TRIM33: variants seen among roughly 807,000 people sequenced by gnomAD.
TRIM33 encodes E3 ubiquitin-protein ligase TRIM33.
Under a neutral mutation model 125.4 loss-of-function variants are expected in TRIM33, and 20 were observed. That is an observed-to-expected ratio of 0.16 (90% CI 0.11 to 0.23). The LOEUF (loss-of-function observed/expected upper bound fraction) is 0.23. TRIM33 is among the 10% of genes least tolerant of loss of function. TRIM33 has a pLI of 1.00. For synonymous variants in TRIM33, 564 were observed against 513.9 expected (o/e 1.10, Z -1.32); for missense variants, 920 against 1,411.4 (o/e 0.65, Z 5.58).
At position 114,510,983 on chromosome 1, in the gene TRIM33, G is replaced by T; in HGVS notation, c.94C>A (p.Gln32Lys). Residue 32 changes from glutamine (Q) to lysine (K), a missense_variant, in exon 1 of 20, where the codon CAG becomes AAG. Around this residue, in one of 8 missense-constraint regions of TRIM33, gnomAD observed 233 missense variants for 189.6 expected, o/e 1.23. Transcript: ENST00000358465. ...GCGGTGAGAGGCGGCTCCGCCTCCTGCGCGGCGGGCCCGGCGGCCCCGGCA... is the reference window on the plus strand; with the variant it reads ...GCGGTGAGAGGCGGCTCCGCCTCCTTCGCGGCGGGCCCGGCGGCCCCGGCA... Reference protein sequence around the residue: ...VTAGAAGPAAQEAEPPLTAVL... With the variant: ...VTAGAAGPAAKEAEPPLTAVL... 7.4e-7 allele frequency: 1 copy of T among 1,348,484 alleles called. No individual in the cohort carries two copies. Among genetic ancestry groups the T allele is most frequent in the Non-Finnish European group, 9.5e-7 (1 of 1,051,342 alleles). The allele number at this position is 1,348,484 out of a possible 1,614,324, so 83.5% of individuals were successfully genotyped here.
At chr1:114,450,075 T>C (rs1406988964) in intron 4 of TRIM33, among the ~76,000 whole-genome samples, 2 of 152,196 alleles carry the variant, frequency 1.3e-5, no homozygotes, top group Non-Finnish European at 2.9e-5. Context: ...TATTCTCACA[T>C]TGATTTATAC....
intron 4 of TRIM33, among the ~76,000 whole-genome samples, chr1:114,457,519 T>C (rs1649697805): frequency 6.6e-6 from 1 of 152,170 alleles, no homozygotes; most frequent in Non-Finnish European, 1.5e-5. Flanking sequence ...GAAACACTAA[T>C]AAGGAAGGCA....
chr1:114,413,651 A>AAAG (rs1171244795), intron 11 of TRIM33, among the ~76,000 whole-genome samples: 3 of 149,112 alleles, frequency 2.0e-5, no homozygotes, highest in African/African-American at 7.5e-5. Flanking sequence ...AAAAAAAAAA[A>AAAG]AGGTAAAACT....
At chr1:114,449,661 G>A (rs1189349199) in intron 4 of TRIM33, among the ~76,000 whole-genome samples, 1 of 150,664 alleles carries the variant, frequency 6.6e-6, no homozygotes, top group African/African-American at 2.4e-5. Flanking sequence ...AAGAGAGTGT[G>A]GTCTTAAAAG....
intron 15 of TRIM33, chr1:114,405,166 T>C: frequency 2.6e-6 from 1 of 382,608 alleles, no homozygotes; most frequent in Non-Finnish European, 4.6e-6. Flanking sequence ...TTATCTATTT[T>C]CCTTATACTG....
chr1:114,441,876 G>C (rs1046162280), intron 4 of TRIM33, among the ~76,000 whole-genome samples: 2 of 152,026 alleles, frequency 1.3e-5, no homozygotes, highest in Non-Finnish European at 2.9e-5. Flanking sequence ...GATTCTGCTG[G>C]GTAACTGACT....
At chr1:114,398,916 CA>C (rs371623761) in intron 18 of TRIM33, among the ~76,000 whole-genome samples, 3,518 of 107,674 alleles carry the variant, frequency 0.033, 84 homozygotes, top group Non-Finnish European at 0.043. Flanking sequence ...AAAAAAAAAA[CA>C]AAACAAAACA....
intron 15 of TRIM33, among the ~76,000 whole-genome samples, chr1:114,404,092 T>G (rs1037717144): frequency 2.6e-5 from 4 of 152,212 alleles, no homozygotes; most frequent in Non-Finnish European, 5.9e-5. Context: ...TATAGAGAGA[T>G]ATATACATAG....
Position 114,399,553 on chromosome 1 carries a change from C to T in TRIM33, c.3024G>A (p.Lys1008=). 6.2e-7 allele frequency: 1 copy of T among 1,611,630 alleles called. No individual in the cohort carries two copies. Among genetic ancestry groups the T allele is most frequent in the Non-Finnish European group, 8.5e-7 (1 of 1,178,052 alleles). The change falls in exon 18 of 20, where the codon AAG becomes AAA. Residue 1008 remains lysine, a synonymous_variant. Transcript: ENST00000358465. ...KKPMDLSTVK[K]KLQKKHSQHY... is the part of the protein sequence containing the mutation. ...GTTGGGAATGTTTTTTCTGAAGCTT[C>T]TTTTTCACGGTGGATAAATCCATTG... is the stretch of plus-strand genomic sequence containing the variant.
intron 1 of TRIM33, among the ~76,000 whole-genome samples, chr1:114,480,606 A>T (rs1452902141): frequency 6.6e-6 from 1 of 152,056 alleles, no homozygotes; most frequent in African/African-American, 2.4e-5. Context: ...GTACACTAAA[A>T]ATATTGGTAA....
At chr1:114,410,382 C>G in intron 11 of TRIM33, 66 bp from the exon 12 acceptor site, 5 of 1,480,342 alleles carry the variant, frequency 3.4e-6, no homozygotes, top group Non-Finnish European at 4.6e-6. Flanking sequence ...AATTTTATGT[C>G]ACTGCTTATA....
At chr1:114,403,437 C>T (rs1652030613) in intron 15 of TRIM33, among the ~76,000 whole-genome samples, 1 of 152,140 alleles carries the variant, frequency 6.6e-6, no homozygotes, top group Non-Finnish European at 1.5e-5. Flanking sequence ...GTGGCATAAT[C>T]TTGGTTCACT....
intron 4 of TRIM33, among the ~76,000 whole-genome samples, chr1:114,455,032 C>T (rs886959080): frequency 9.2e-5 from 14 of 152,238 alleles, no homozygotes; most frequent in South Asian, 6.2e-4. Flanking sequence ...CAGTGATTGA[C>T]TTAGAGGCAC....
chr1:114,464,780 G>C (rs1364684785), intron 1 of TRIM33, among the ~76,000 whole-genome samples: 1 of 152,156 alleles, frequency 6.6e-6, no homozygotes, highest in African/African-American at 2.4e-5. Flanking sequence ...CCTTATCAGG[G>C]GGAGGAAGAG....
rs1280943553 is a variant in TRIM33 at position 114,392,832 on chromosome 1, G to A, written c.*4816C>T. ...TTAATAGAAATAACCAAAACAATGT[G>A]GCTTTCAAACAAGGGTTTAAAACTA... is the stretch of plus-strand genomic sequence containing the variant. On this transcript the variant is annotated 3_prime_UTR_variant, in exon 20 of 20. Coordinates refer to ENST00000358465, the MANE Select transcript of TRIM33 (RefSeq NM_015906.4). 3 of 182,050 alleles carry A rather than the reference G, an allele frequency of 1.6e-5. No individual in the cohort carries two copies. Among genetic ancestry groups the A allele is most frequent in the Non-Finnish European group, 1.2e-5 (1 of 85,406 alleles). 11.3% of individuals were successfully genotyped at this position (182,050 alleles called of 1,614,324 possible).
chr1:114,418,248 G>C (rs922688139), intron 11 of TRIM33, among the ~76,000 whole-genome samples: 6 of 152,154 alleles, frequency 3.9e-5, no homozygotes, highest in Non-Finnish European at 5.9e-5. Flanking sequence ...CAGCATGAGG[G>C]AAACCACCGC....
At chr1:114,508,124 T>A (rs990502260) in intron 1 of TRIM33, among the ~76,000 whole-genome samples, 5 of 151,882 alleles carry the variant, frequency 3.3e-5, no homozygotes, top group Admixed American at 1.3e-4. Context: ...CAAAAAAAAA[T>A]TTTTTTTAAT....
At chr1:114,456,214 T>C (rs944085045) in intron 4 of TRIM33, among the ~76,000 whole-genome samples, 10 of 152,180 alleles carry the variant, frequency 6.6e-5, no homozygotes, top group Non-Finnish European at 1.0e-4. Context: ...TAAGTTCACC[T>C]TGAGGTCAAT....
intron 15 of TRIM33, among the ~76,000 whole-genome samples, chr1:114,403,428 T>G (rs981056901): frequency 6.6e-6 from 1 of 152,170 alleles, no homozygotes; most frequent in Non-Finnish European, 1.5e-5. Context: ...TGGAGGGCAG[T>G]GGCATAATCT....
Sources: gnomAD v4.1 joint callset for allele counts (sites outside exome capture counted in the v4.1 genomes callset) on GRCh38, gnomAD v4.1.1 for gene constraint, gnomAD v4.1.1 regional missense constraint, MANE v1.5 for transcripts, NCBI Gene and HGNC (gene_info 2026-07-23, HGNC 2026-07-21) for gene names.